The following SPSB2 variants were observed in gnomAD, a reference collection of about 807,000 sequenced individuals.
The protein encoded by SPSB2 is splA/ryanodine receptor domain and SOCS box containing 2.
A neutral mutation model predicts 19.2 loss-of-function variants in SPSB2; 25 were observed. The ratio of observed to expected loss-of-function variants is 1.30; its 90% CI spans 0.95 to 1.82. The LOEUF (loss-of-function observed/expected upper bound fraction) is 1.82. SPSB2 is among the 40% of genes most tolerant of loss of function. The pLI is 0.00. For synonymous variants in SPSB2, 153 were observed against 154.9 expected, an observed-to-expected ratio of 0.99 and a Z score of 0.09; for missense variants, 413 against 344.9, an observed-to-expected ratio of 1.20 and a Z score of -1.56.
rs1287049847 is a variant in SPSB2 at position 6,871,076 on chromosome 12, G to T, written c.*116C>A. Reference sequence around the variant, plus strand: ...TGATTTCCGCAGAGCTTGGGTTGGGGTAGGGGCTCAGCCTCACCAGCTTTC... The same window carrying T: ...TGATTTCCGCAGAGCTTGGGTTGGGTTAGGGGCTCAGCCTCACCAGCTTTC... On this transcript the variant is annotated 3_prime_UTR_variant, in exon 3 of 3. Coordinates refer to ENST00000524270, the MANE Select transcript of SPSB2 (RefSeq NM_032641.4). The T allele has an allele frequency of 1.0e-5, 14 of 1,353,116 alleles. No homozygotes were observed. In the East Asian group the frequency reaches 2.5e-4, roughly 24 times the overall value. 83.8% of individuals were successfully genotyped at this position (1,353,116 alleles called of 1,614,324 possible). A position where few individuals can be genotyped will look rare whatever the true frequency, so the allele number is the denominator to read the frequency against.
chr12:6,872,954 T>C lies in SPSB2; in HGVS notation c.-53A>G. Reference sequence around the variant, plus strand: ...AAAGAGGCTTGCTGGGGCGTCTTTCTCTTCTGAAAGTTGAGCTCCAGTTTG... The same window carrying C: ...AAAGAGGCTTGCTGGGGCGTCTTTCCCTTCTGAAAGTTGAGCTCCAGTTTG... On this transcript the variant is annotated 5_prime_UTR_variant, in exon 2 of 3. Coordinates refer to ENST00000524270, the MANE Select transcript of SPSB2 (RefSeq NM_032641.4). 7.6e-7 allele frequency: 1 copy of C among 1,314,112 alleles called. No homozygotes were observed. The highest frequency in any genetic ancestry group is 2.4e-5 in the Admixed American group (1 of 41,122). The allele number at this position is 1,314,112 out of a possible 1,614,324, so 81.4% of individuals were successfully genotyped here.
intron 2 of SPSB2, chr12:6,871,633 C>A: frequency 2.2e-6 from 1 of 451,316 alleles, no homozygotes; most frequent in South Asian, 2.6e-5. Flanking sequence ...GAGGGATGGC[C>A]CTCCACTCTA....
chr12:6,871,599 C>G lies in SPSB2; in HGVS notation c.665-280G>C. On this transcript the variant is annotated intron_variant, in intron 2 of 2. Coordinates refer to ENST00000524270, the MANE Select transcript of SPSB2 (RefSeq NM_032641.4). The stretch of plus-strand genomic sequence containing the variant: ...CTGGCCCAGGCTTTGACTCCAGAGG[C>G]TTGGGAGCTGGGGCTGAGGTGAGGA... The G allele has an allele frequency of 5.9e-6, 3 of 511,264 alleles. No homozygotes were observed. The South Asian group carries it at 7.1e-5, about 12-fold the overall frequency. 31.7% of individuals were successfully genotyped at this position (511,264 alleles called of 1,614,324 possible).
At position 6,872,813 on chromosome 12, in the gene SPSB2, T is replaced by C. The variant is rs782449386; in HGVS notation, c.89A>G (p.Glu30Gly). Residue 30 changes from glutamate to glycine, a missense_variant, in exon 2 of 3, where the codon GAA becomes GGA. Transcript: ENST00000524270. ...YPDLSCPEGL[E>G]ELLSAPPPDL... ...AGGAGGGGGTGCAGACAGCAGCTCT[T>C]CCAAGCCCTCGGGACAGGAGAGGTC... The C allele has an allele frequency of 5.0e-6, 8 of 1,611,784 alleles. No individual in the cohort carries two copies. In the Admixed American group the frequency reaches 1.3e-4, roughly 27 times the overall value.
At chr12:6,871,727 A>G in intron 2 of SPSB2, 1 of 340,346 alleles carries the variant, frequency 2.9e-6, no homozygotes, top group Non-Finnish European at 5.4e-6. Flanking sequence ...GCCCCACCCT[A>G]AGGCCCTGCC....
At chr12:6,872,086 C>T in intron 2 of SPSB2, 152 bp downstream of exon 2, 1 of 1,588,776 alleles carries the variant, frequency 6.3e-7, no homozygotes, top group African/African-American at 1.3e-5. Flanking sequence ...TAAATAACAG[C>T]TGTGAAGACC....
Position 6,872,326 on chromosome 12 carries a change from G to C in SPSB2, c.576C>G (p.Arg192=), listed in dbSNP as rs907603340. Residue 192 remains arginine (R), a synonymous_variant, in exon 2 of 3, where the codon CGC becomes CGG. Transcript: ENST00000524270. The part of the protein sequence containing the change: ...IGGTYLGPAF[R]GLKGRTLYPA... ...GATAGAGGGTCCTGCCCTTCAGTCC[G>C]CGGAATGCTGGCCCCAGGTAGGTGC... 8 of 1,614,158 alleles carry C rather than the reference G, an allele frequency of 5.0e-6. No individual in the cohort carries two copies. Among genetic ancestry groups the C allele is most frequent in the Non-Finnish European group, 6.8e-6 (8 of 1,180,014 alleles).
intron 2 of SPSB2, chr12:6,871,935 G>A: frequency 2.2e-6 from 3 of 1,370,758 alleles, no homozygotes; most frequent in Non-Finnish European, 2.9e-6. Context: ...TGCACCTCTT[G>A]CTCAGGGGTT....
At position 6,872,237 on chromosome 12, in the gene SPSB2, C is replaced by G; in HGVS notation, c.664+1G>C. The stretch of plus-strand genomic sequence containing the variant: ...CTCCCCACGTCTGCCCCAGGCCTCA[C>G]CTCTCCTTTCGCCCAGGTAGCGGAT... On this transcript the variant is annotated splice_donor_variant, in intron 2 of 2. Coordinates refer to ENST00000524270, the MANE Select transcript of SPSB2 (RefSeq NM_032641.4). LOFTEE classifies it high-confidence loss of function. 6.2e-7 allele frequency: 1 copy of G among 1,614,122 alleles called. No individual in the cohort carries two copies.
chr12:6,872,086 C>G (rs1280397965), intron 2 of SPSB2, 152 bp downstream of exon 2: 5 of 1,588,658 alleles, frequency 3.1e-6, no homozygotes, highest in African/African-American at 2.7e-5. Flanking sequence ...TAAATAACAG[C>G]TGTGAAGACC....
chr12:6,872,721 C>A lies in SPSB2; in HGVS notation c.181G>T (p.Glu61Ter). 1 of 1,612,988 alleles carries A rather than the reference C, an allele frequency of 6.2e-7. No homozygotes were observed. The highest frequency in any genetic ancestry group is 8.5e-7 in the Non-Finnish European group (1 of 1,180,046). ...KDCSENIEVK[E>*]GGLYFERRPV... Reference sequence around the variant, plus strand: ...CGCCGCTCAAAGTACAACCCTCCTTCCTTGACCTCGATGTTCTCTGAACAG... The same window carrying A: ...CGCCGCTCAAAGTACAACCCTCCTTACTTGACCTCGATGTTCTCTGAACAG... Residue 61 changes from glutamate to a stop codon, truncating the protein, a stop_gained, in exon 2 of 3, where the codon GAA (glutamate) becomes TAA (stop). Coordinates refer to ENST00000524270, the MANE Select transcript of SPSB2 (RefSeq NM_032641.4). LOFTEE classifies it high-confidence loss of function.
At position 6,872,994 on chromosome 12, in the gene SPSB2, G is replaced by A. The variant is rs1041577700; in HGVS notation, c.-93C>T. On this transcript the variant is annotated 5_prime_UTR_variant, in exon 2 of 3. Coordinates refer to ENST00000524270, the MANE Select transcript of SPSB2 (RefSeq NM_032641.4). ...GCTCCAGTTTGGATTGACCTGGAAG[G>A]GAGCTGGGAGAAAAGGGGCGTGAAG... 7 of 872,972 alleles carry A rather than the reference G, an allele frequency of 8.0e-6. No homozygotes were observed. Among genetic ancestry groups the A allele is most frequent in the Non-Finnish European group, 1.2e-5 (7 of 574,058 alleles). 54.1% of individuals were successfully genotyped at this position (872,972 alleles called of 1,614,324 possible).
At chr12:6,871,463 G>GC in intron 2 of SPSB2, 144 bp from the exon 3 acceptor site, 1 of 878,110 alleles carries the variant, frequency 1.1e-6, no homozygotes, top group Non-Finnish European at 1.7e-6. Context: ...GAGATACCCG[G>GC]AAGTTCTGCC....
At position 6,871,296 on chromosome 12, in the gene SPSB2, G is replaced by T. The variant is rs782802899; in HGVS notation, c.688C>A (p.Leu230Met). Residue 230 changes from leucine (L) to methionine (M), a missense_variant, in exon 3 of 3, where the codon CTG becomes ATG. Transcript: ENST00000524270. ...TTGTGGCGCACACACAGGCGGCTCA[G>T]GTGCAGAAGGGAGTGTGGCTCCGCT... ...RRAEPHSLLHLSRLCVRHNLG... is the reference protein window; with the variant it reads ...RRAEPHSLLHMSRLCVRHNLG... 15 of 1,613,682 alleles carry T rather than the reference G, an allele frequency of 9.3e-6. No individual in the cohort carries two copies. Among genetic ancestry groups the T allele is most frequent in the Non-Finnish European group, 1.1e-5 (13 of 1,179,952 alleles).
rs199775938 is a variant in SPSB2 at position 6,871,289 on chromosome 12, C to T, written c.695G>A (p.Arg232His). ...CCCCAGGTTGTGGCGCACACACAGG[C>T]GGCTCAGGTGCAGAAGGGAGTGTGG... ...AEPHSLLHLS[R>H]LCVRHNLGDT... Residue 232 changes from arginine (R) to histidine (H), a missense_variant, in exon 3 of 3, where the codon CGC becomes CAC. Coordinates refer to ENST00000524270, the MANE Select transcript of SPSB2 (RefSeq NM_032641.4). 1.3e-4 allele frequency: 208 copies of T among 1,613,730 alleles called. 3 individuals are homozygous for T. The highest frequency in any genetic ancestry group is 3.3e-4 in the Middle Eastern group (2 of 6,072).
At position 6,872,350 on chromosome 12, in the gene SPSB2, G is replaced by T; in HGVS notation, c.552C>A (p.Gly184=). ...EEGTLGYAIG[G]TYLGPAFRGL... ...CGCGGAATGCTGGCCCCAGGTAGGT[G>T]CCCCCAATAGCGTAGCCCAGAGTTC... Residue 184 remains glycine (G), a synonymous_variant, in exon 2 of 3, where the codon GGC becomes GGA. Coordinates refer to ENST00000524270, the MANE Select transcript of SPSB2 (RefSeq NM_032641.4). The T allele has an allele frequency of 6.2e-7, 1 of 1,614,212 alleles. No individual in the cohort carries two copies.
Position 6,872,425 on chromosome 12 carries a change from C to T in SPSB2, c.477G>A (p.Glu159=). The stretch of plus-strand genomic sequence containing the variant: ...GCAGTCTCTCTGGCACCTCCAGCTG[C>T]TCACCCTGAGTTCCCGCTGGATACT... The part of the protein sequence containing the change: ...APQYPAGTQG[E]QLEVPERLLV... The change falls in exon 2 of 3, where the codon GAG becomes GAA. Residue 159 remains glutamate, a synonymous_variant. Transcript: ENST00000524270. 6.2e-7 allele frequency: 1 copy of T among 1,614,250 alleles called. No individual in the cohort carries two copies. The highest frequency in any genetic ancestry group is 1.3e-5 in the African/African-American group (1 of 75,078).
chr12:6,872,324 C>G lies in SPSB2; in HGVS notation c.578G>C (p.Gly193Ala). The change falls in exon 2 of 3, where the codon GGA (glycine) becomes GCA (alanine). Residue 193 changes from glycine (G) to alanine (A), a missense_variant. By Grantham distance (60) the Gly-to-Ala change is moderately conservative. Transcript: ENST00000524270. Reference protein sequence around the residue: ...GGTYLGPAFRGLKGRTLYPAV... With the variant: ...GGTYLGPAFRALKGRTLYPAV... ...CGGATAGAGGGTCCTGCCCTTCAGT[C>G]CGCGGAATGCTGGCCCCAGGTAGGT... 1 of 1,614,234 alleles carries G rather than the reference C, an allele frequency of 6.2e-7. No individual in the cohort carries two copies. The highest frequency in any genetic ancestry group is 8.5e-7 in the Non-Finnish European group (1 of 1,180,030).
At position 6,871,363 on chromosome 12, in the gene SPSB2, C is replaced by CA. The variant is rs782076812; in HGVS notation, c.665-45dup. The CA allele has an allele frequency of 4.4e-6, 7 of 1,587,472 alleles. No homozygotes were observed. The African/African-American group carries it at 9.4e-5, about 21-fold the overall frequency. ...GGAATGTAAGTATGGGTGCAGCCACCAGCCAGATGTCCTCAAACTACGGGG... is the reference window on the plus strand; with the variant it reads ...GGAATGTAAGTATGGGTGCAGCCACCAAGCCAGATGTCCTCAAACTACGGGG... On this transcript the variant is annotated intron_variant, in intron 2 of 2. Transcript: ENST00000524270.
Sources: gnomAD v4.1 joint callset for allele counts on GRCh38, gnomAD v4.1.1 for gene constraint, MANE v1.5 for transcripts, NCBI Gene and HGNC (gene_info 2026-07-23, HGNC 2026-07-21) for gene names.